NASP: variants seen among roughly 807,000 people sequenced by gnomAD.
NASP encodes NASP histone chaperone.
In NASP, 24 loss-of-function variants were observed where a neutral mutation model predicts 89.5. The observed-to-expected ratio is 0.27, with a 90% CI of 0.19 to 0.38. The LOEUF is 0.38. Ranked by LOEUF, NASP falls within the 10% of genes least tolerant of loss-of-function variation. NASP has a pLI of 1.00. For synonymous variants in NASP, 306 were observed against 324.7 expected, an observed-to-expected ratio of 0.94 and a Z score of 0.62; for missense variants, 848 against 921.4, an observed-to-expected ratio of 0.92 and a Z score of 1.03.
chr1:45,611,278 A>G (rs1644003980), intron 6 of NASP: 1 of 152,190 alleles, frequency 6.6e-6, no homozygotes, highest in Admixed American at 6.6e-5. Flanking sequence ...CCAGAATACT[A>G]GAAGACAACC....
chr1:45,607,056 T>C (rs1382183399), intron 5 of NASP, among the ~76,000 whole-genome samples: 1 of 152,194 alleles, frequency 6.6e-6, no homozygotes, highest in Non-Finnish European at 1.5e-5. Context: ...ATGAAAAGCT[T>C]GGCATCTCTT....
rs1393384812 is a variant in NASP, at chr1:45,615,337, G to A, written c.1888G>A (p.Gly630Arg). ...VLNEQVKEAE[G>R]SSAEYKKEIE... The stretch of plus-strand genomic sequence containing the variant: ...AAACGAGCAGGTGAAGGAGGCTGAA[G>A]GATCGTCTGCTGAATACAAGAAAGA... The change falls in exon 11 of 15, where the codon GGA becomes AGA. Residue 630 changes from glycine (G) to arginine (R), a missense_variant. Around this residue, in one of 5 missense-constraint regions of NASP, gnomAD observed 218 missense variants for 219.6 expected, o/e 0.99. Transcript: ENST00000350030. The A allele has an allele frequency of 1.9e-6, 3 of 1,614,152 alleles. No homozygotes were observed. Among genetic ancestry groups the A allele is most frequent in the Non-Finnish European group, 2.5e-6 (3 of 1,180,034 alleles).
intron 6 of NASP, chr1:45,610,302 T>A (rs1056274268): frequency 5.9e-5 from 9 of 152,236 alleles, no homozygotes; most frequent in African/African-American, 2.2e-4. Context: ...TATCAGATAC[T>A]GTTCTGCTTG....
rs1364277074 is a variant in NASP at position 45,608,085 on chromosome 1, A to G, written c.1174A>G (p.Ile392Val). The G allele has an allele frequency of 1.3e-5, 21 of 1,613,918 alleles. No homozygotes were observed. The highest frequency in any genetic ancestry group is 1.6e-4 in the Middle Eastern group (1 of 6,078). Residue 392 changes from isoleucine (I) to valine (V), a missense_variant, in exon 6 of 15, where the codon ATT becomes GTT. Physicochemically the swap from Ile to Val is conservative, Grantham distance 29. Around this residue, in one of 5 missense-constraint regions of NASP, gnomAD observed 464 missense variants for 469.4 expected, o/e 0.99. Coordinates refer to ENST00000350030, the MANE Select transcript of NASP (RefSeq NM_002482.4). Reference sequence around the variant, plus strand: ...GTCAGTTGTAGGAGATCAGACTCCTATTGAACCACAGACTTCTATAGAAAG... The same window carrying G: ...GTCAGTTGTAGGAGATCAGACTCCTGTTGAACCACAGACTTCTATAGAAAG... ...GPSVVGDQTP[I>V]EPQTSIERLT...
At position 45,617,517 on chromosome 1, in the gene NASP, G is replaced by T; in HGVS notation, c.2212G>T (p.Glu738Ter). The change falls in exon 14 of 15, where the codon GAG (glutamate) becomes TAG (stop). Residue 738 changes from glutamate to a stop codon, truncating the protein, a stop_gained. Coordinates refer to ENST00000350030, the MANE Select transcript of NASP (RefSeq NM_002482.4). LOFTEE classifies it high-confidence loss of function. ...AGATGATGCAAAGAAAGCCAAACAA[G>T]AGCCGGAGGTGAACGGAGGCAGTGG... ...RKDDAKKAKQ[E>*]PEVNGGSGDA... 6.2e-7 allele frequency: 1 copy of T among 1,613,464 alleles called. No homozygotes were observed. The highest frequency in any genetic ancestry group is 1.1e-5 in the South Asian group (1 of 91,014).
intron 10 of NASP, 36 bp from the exon 11 acceptor site, chr1:45,615,269 T>A (rs753023058): frequency 1.2e-6 from 2 of 1,611,836 alleles, no homozygotes; most frequent in African/African-American, 2.7e-5. Context: ...AAACAGTTCT[T>A]TTTTGAGCCA....
rs71056316 is a variant in NASP at position 45,601,745 on chromosome 1, A to ATTTTTT, written c.108-487_108-482dup. The stretch of plus-strand genomic sequence containing the variant: ...TGTGATTAGATGAGCCGTTAAGAGA[A>ATTTTTT]TTTTTTTTTTTTTTTTTTTTTTTTT... On this transcript the variant is annotated intron_variant, in intron 2 of 14. Coordinates refer to ENST00000350030, the MANE Select transcript of NASP (RefSeq NM_002482.4). 9.4e-3 allele frequency among the ~76,000 whole-genome samples: 648 copies of ATTTTTT among 68,928 alleles called. 128 individuals are homozygous for ATTTTTT. Among genetic ancestry groups the ATTTTTT allele is most frequent in the Non-Finnish European group, 0.011 (453 of 40,974 alleles). 45.2% of individuals were successfully genotyped at this position (68,928 alleles called of 152,430 possible).
intron 1 of NASP, among the ~76,000 whole-genome samples, chr1:45,589,388 G>C (rs564752479): frequency 1.8e-4 from 28 of 152,214 alleles, no homozygotes; most frequent in Admixed American, 7.9e-4. Context: ...GCCTCACAAA[G>C]TGTTGGGATT....
At chr1:45,588,607 GGTAAAACATACTTTCTAAGTATA>G in intron 1 of NASP, 1 of 453,024 alleles carries the variant, frequency 2.2e-6, no homozygotes, top group Non-Finnish European at 4.4e-6. Context: ...CTATTCGATG[GGTAAAACATACTTTCTAAGTATA>G]GTTTTTTTGT....
chr1:45,610,826 C>G (rs574149872), intron 6 of NASP: 1 of 152,400 alleles, frequency 6.6e-6, no homozygotes, highest in South Asian at 2.1e-4. Context: ...AGCGATTCTC[C>G]TACGTCAGCC....
intron 2 of NASP, among the ~76,000 whole-genome samples, chr1:45,598,920 CATT>C (rs968043882): frequency 6.6e-6 from 1 of 151,810 alleles, no homozygotes; most frequent in African/African-American, 2.4e-5. Flanking sequence ...CTACATAGTC[CATT>C]ATTAACACTT....
In NASP at chr1:45,614,993, C is replaced by T; in HGVS notation, c.1667-20C>T. On this transcript the variant is annotated intron_variant, in intron 9 of 14. Coordinates refer to ENST00000350030, the MANE Select transcript of NASP (RefSeq NM_002482.4). ...GTTGAATGCTGTCCATTTACTTGCTCTTCTTTTTCTCTTTGTTAGAAAACT... is the reference window on the plus strand; with the variant it reads ...GTTGAATGCTGTCCATTTACTTGCTTTTCTTTTTCTCTTTGTTAGAAAACT... 6.2e-7 allele frequency: 1 copy of T among 1,602,742 alleles called. No homozygotes were observed. The highest frequency in any genetic ancestry group is 8.5e-7 in the Non-Finnish European group (1 of 1,173,902).
chr1:45,584,874 T>G (rs1644507448), intron 1 of NASP, among the ~76,000 whole-genome samples: 1 of 152,230 alleles, frequency 6.6e-6, no homozygotes, highest in Non-Finnish European at 1.5e-5. Flanking sequence ...CGCTCACGTC[T>G]TGTGCTGGGA....
chr1:45,602,709 T>A lies in NASP; in HGVS notation c.218+344T>A, dbSNP rs191378208. ...CCCAGGCTGGAGTGCAGTGGCACAA[T>A]CTCATGCTCACTGCAGCCTCAACCT... On this transcript the variant is annotated intron_variant, in intron 3 of 14. Coordinates refer to ENST00000350030, the MANE Select transcript of NASP (RefSeq NM_002482.4). 3.3e-4 allele frequency among the ~76,000 whole-genome samples: 50 copies of A among 151,490 alleles called. 1 individual carries two copies. In the East Asian group the frequency reaches 7.6e-3, roughly 23 times the overall value.
intron 1 of NASP, among the ~76,000 whole-genome samples, chr1:45,586,290 T>TGTGTGTGTG (rs1644545650): frequency 2.1e-5 from 2 of 97,406 alleles, no homozygotes; most frequent in African/African-American, 9.0e-5. Context: ...GTGTGGTGTG[T>TGTGTGTGTG]GTGTGTGTGT....
rs537983711 is a variant in NASP, at chr1:45,586,239, C to CGTGTGTGTGTGTGTGT, written c.59+2064_59+2079dup. Among the ~76,000 whole-genome samples, 76 of 110,270 alleles carry CGTGTGTGTGTGTGTGT rather than the reference C, an allele frequency of 6.9e-4. 1 individual carries two copies. Among genetic ancestry groups the CGTGTGTGTGTGTGTGT allele is most frequent in the Admixed American group, 9.1e-4 (9 of 9,856 alleles). The allele number at this position is 110,270 out of a possible 152,430, so 72.3% of individuals were successfully genotyped here. The stretch of plus-strand genomic sequence containing the variant: ...CGGCCCCCTGCAGCCCCTACCGTGC[C>CGTGTGTGTGTGTGTGT]GTGTGTGTGTGTGTGTGTGTGTGTG... On this transcript the variant is annotated intron_variant, in intron 1 of 14. Transcript: ENST00000350030.
Position 45,604,963 on chromosome 1 carries a change from T to A in NASP, c.246T>A (p.Asn82Lys). Residue 82 changes from asparagine (N) to lysine (K), a missense_variant, in exon 4 of 15, where the codon AAT becomes AAA. Physicochemically the swap from Asn to Lys is moderately conservative, Grantham distance 94 (BLOSUM62 0). Transcript: ENST00000350030. ...GTAAGAAGTATGGAGAGACAGCTAA[T>A]GAGTGTGGAGAAGCCTTCTTTTTCT... ...LLGKKYGETA[N>K]ECGEAFFFYG... The A allele has an allele frequency of 6.2e-7, 1 of 1,612,848 alleles. No homozygotes were observed. Among genetic ancestry groups the A allele is most frequent in the South Asian group, 1.1e-5 (1 of 91,050 alleles).
intron 4 of NASP, chr1:45,605,852 C>A (rs1643901650): frequency 6.6e-6 from 1 of 152,286 alleles, no homozygotes; most frequent in East Asian, 1.9e-4. Flanking sequence ...TCTCTGCTCG[C>A]CGCAACCTCT....
At chr1:45,587,687 T>TATATATATATATATATAA (rs66829841) in intron 1 of NASP, among the ~76,000 whole-genome samples, 4,733 of 78,078 alleles carry the variant, frequency 0.061, 889 homozygotes, top group East Asian at 0.13. Flanking sequence ...TATATATATA[T>TATATATATATATATATAA]AATTAATTTT....
Sources: allele counts gnomAD v4.1 joint callset (sites outside exome capture counted in the v4.1 genomes callset), GRCh38; gene constraint gnomAD v4.1.1; regional missense constraint gnomAD v4.1.1; transcripts MANE v1.5; gene names NCBI Gene and HGNC (gene_info 2026-07-23, HGNC 2026-07-21).